The following SPAG1 variants were observed in gnomAD, a reference collection of about 807,000 sequenced individuals.
SPAG1 encodes the protein sperm associated antigen 1.
SPAG1 carries 69 observed loss-of-function variants against 100.5 expected under a neutral mutation model. The ratio of observed to expected loss-of-function variants is 0.69; its 90% CI spans 0.57 to 0.84. SPAG1 has a LOEUF of 0.84. Ranked by LOEUF, SPAG1 falls within the 40% of genes least tolerant of loss-of-function variation. The pLI is 0.00. For missense variants in SPAG1, 955 were observed against 1,133.1 expected (o/e 0.84, Z 2.26); for synonymous variants, 336 against 411.6 (o/e 0.82, Z 2.22).
At chr8:100,220,539 T>C in intron 13 of SPAG1, 108 bp downstream of exon 13, 1 of 892,328 alleles carries the variant, frequency 1.1e-6, no homozygotes, top group Middle Eastern at 2.5e-4. Flanking sequence ...GTTACTTTTA[T>C]CACCTGAATG....
intron 10 of SPAG1, among the ~76,000 whole-genome samples, chr8:100,202,342 TA>T (rs113103783): frequency 1.4e-4 from 20 of 145,792 alleles, no homozygotes; most frequent in Admixed American, 1.4e-4. Flanking sequence ...ACCATTTGTT[TA>T]AAAAAAAAAA....
intron 12 of SPAG1, among the ~76,000 whole-genome samples, chr8:100,215,331 A>G (rs1342112519): frequency 6.6e-6 from 1 of 152,038 alleles, no homozygotes; most frequent in African/African-American, 2.4e-5. Flanking sequence ...TGAAGTAATA[A>G]GAAGCCCTTT....
rs1307063120 is a variant in SPAG1 at position 100,191,396 on chromosome 8, T to C, written c.839T>C (p.Leu280Pro). ...ELEPGNVKAL[L>P]RRATTYKHQN... ...TATATTGGTAAATTTTCAGCTCTTC[T>C]GCGTCGTGCTACTACATATAAACAT... is the stretch of plus-strand genomic sequence containing the variant. Residue 280 changes from leucine to proline, a missense_variant, in exon 9 of 19, where the codon CTG (leucine) becomes CCG (proline). By Grantham distance (98) the Leu-to-Pro change is moderately conservative. Transcript: ENST00000388798. The C allele has an allele frequency of 1.2e-6, 2 of 1,610,770 alleles. No homozygotes were observed. The highest frequency in any genetic ancestry group is 2.7e-5 in the African/African-American group (2 of 74,828).
intron 8 of SPAG1, 21 bp downstream of exon 8, chr8:100,187,271 C>A (rs753048783): frequency 5.3e-5 from 83 of 1,580,222 alleles, no homozygotes; most frequent in Non-Finnish European, 6.8e-5. Flanking sequence ...TTATAGAATT[C>A]TTTTACATTT....
At chr8:100,213,014 C>G in intron 10 of SPAG1, 76 bp from the exon 11 acceptor site, 1 of 1,098,750 alleles carries the variant, frequency 9.1e-7, no homozygotes, top group South Asian at 2.0e-5. Flanking sequence ...TCCTGCACCC[C>G]CGCGGCCTCC....
chr8:100,204,992 G>A (rs1586476159), intron 10 of SPAG1, among the ~76,000 whole-genome samples: 1 of 152,286 alleles, frequency 6.6e-6, no homozygotes, highest in East Asian at 1.9e-4. Flanking sequence ...TAGAGCTCTG[G>A]CATTGGCTAA....
chr8:100,165,595 G>A, intron 2 of SPAG1: 2 of 471,400 alleles, frequency 4.2e-6, no homozygotes, highest in Non-Finnish European at 7.5e-6. Flanking sequence ...AGTGTGTGAT[G>A]AAAATTGGTT....
intron 14 of SPAG1, 34 bp from the exon 15 acceptor site, chr8:100,231,122 G>C: frequency 6.3e-7 from 1 of 1,579,334 alleles, no homozygotes; most frequent in Non-Finnish European, 8.6e-7. Context: ...TGCTTGTACA[G>C]ATACTTCCTC....
chr8:100,187,409 G>A (rs1206574867), intron 8 of SPAG1, among the ~76,000 whole-genome samples, 159 bp downstream of exon 8: 1 of 152,080 alleles, frequency 6.6e-6, no homozygotes, highest in Non-Finnish European at 1.5e-5. Context: ...AATTGAACTT[G>A]TAAGTTAAGC....
rs1389658424 is a variant in SPAG1, at chr8:100,171,899, C to CT, written c.301-5906dup. Among the ~76,000 whole-genome samples the CT allele has an allele frequency of 4.8e-3, 717 of 147,990 alleles. 5 individuals carry two copies. Among genetic ancestry groups the CT allele is most frequent in the African/African-American group, 0.015 (606 of 40,558 alleles). On this transcript the variant is annotated intron_variant, in intron 3 of 18. Transcript: ENST00000388798. ...AGAAGAAATCCCTTTATTGATTTTT[C>CT]TTTTTTTTTTTCTGAGACGGAGTCT...
chr8:100,219,390 T>G (rs978429387), intron 12 of SPAG1, among the ~76,000 whole-genome samples: 1 of 152,190 alleles, frequency 6.6e-6, no homozygotes, highest in Non-Finnish European at 1.5e-5. Flanking sequence ...GAAAGGAGGC[T>G]CTTCATAGGA....
chr8:100,220,375 T>C lies in SPAG1; in HGVS notation c.1632T>C (p.Tyr544=), dbSNP rs778546145. The C allele has an allele frequency of 2.5e-6, 4 of 1,613,976 alleles. No individual in the cohort carries two copies. The highest frequency in any genetic ancestry group is 8.5e-7 in the Non-Finnish European group (1 of 1,179,962). The stretch of plus-strand genomic sequence containing the variant: ...AGTATGGGAAAGCTTATGTGGATTA[T>C]AAAACAGTGTTGCAGATAGACTGTG... ...LEQYGKAYVD[Y]KTVLQIDCGL... is the part of the protein sequence containing the mutation. Residue 544 remains tyrosine (Y), a synonymous_variant, in exon 13 of 19, where the codon TAT becomes TAC. Coordinates refer to ENST00000388798, the MANE Select transcript of SPAG1 (RefSeq NM_003114.5).
Position 100,165,824 on chromosome 8 carries a change from G to T in SPAG1, c.151G>T (p.Glu51Ter). The change falls in exon 3 of 19, where the codon GAA becomes TAA. Residue 51 changes from glutamate (E) to a stop codon, truncating the protein, a stop_gained. Transcript: ENST00000388798. LOFTEE classifies it high-confidence loss of function. ...TTATTTCTTTTTAAGATCTGGTGAG[G>T]AAGGATATTATCCTGAACTTACAGA... ...KILCVLRSGEEGYYPELTEFC... is the reference protein window; with the variant it reads ...KILCVLRSGE The T allele has an allele frequency of 6.2e-7, 1 of 1,611,678 alleles. No individual in the cohort carries two copies. Among genetic ancestry groups the T allele is most frequent in the Non-Finnish European group, 8.5e-7 (1 of 1,179,076 alleles).
At chr8:100,210,779 C>T (rs1817685477) in intron 10 of SPAG1, among the ~76,000 whole-genome samples, 1 of 151,722 alleles carries the variant, frequency 6.6e-6, no homozygotes, top group Admixed American at 6.6e-5. Flanking sequence ...CCTCAGCCTG[C>T]CAGAGTGCTA....
intron 10 of SPAG1, chr8:100,194,704 A>G: frequency 3.4e-6 from 1 of 292,104 alleles, no homozygotes; most frequent in Non-Finnish European, 6.2e-6. Context: ...GTGTTTTTCA[A>G]AAATATTTTA....
intron 12 of SPAG1, among the ~76,000 whole-genome samples, chr8:100,215,009 A>G (rs1817906666): frequency 2.3e-5 from 1 of 42,566 alleles, no homozygotes; most frequent in Non-Finnish European, 4.9e-5. Flanking sequence ...ATATATATAT[A>G]TATATATATA....
intron 15 of SPAG1, among the ~76,000 whole-genome samples, chr8:100,231,712 C>A (rs1818774853): frequency 6.6e-6 from 1 of 152,196 alleles, no homozygotes; most frequent in Non-Finnish European, 1.5e-5. Flanking sequence ...ATAATCCCAG[C>A]ACTTTGGGAG....
In SPAG1 at chr8:100,236,522, A is replaced by G. The variant is rs534698894; in HGVS notation, c.2116-2718A>G. Among the ~76,000 whole-genome samples, 8 of 152,248 alleles carry G rather than the reference A, an allele frequency of 5.3e-5. No individual in the cohort carries two copies. In the East Asian group the frequency reaches 1.5e-3, roughly 29 times the overall value. ...CGCCCAGGCCTGTTTGCCCAGGGTGACTGCAATGAGGAAGTGGCACAGGGG... is the reference window on the plus strand; with the variant it reads ...CGCCCAGGCCTGTTTGCCCAGGGTGGCTGCAATGAGGAAGTGGCACAGGGG... On this transcript the variant is annotated intron_variant, in intron 16 of 18. Transcript: ENST00000388798.
At chr8:100,214,976 G>C in intron 12 of SPAG1, among the ~76,000 whole-genome samples, 1 of 103,718 alleles carries the variant, frequency 9.6e-6, no homozygotes, top group African/African-American at 3.5e-5. Context: ...AAGAGACTCT[G>C]TAAACTTTAC....
Sources: allele counts gnomAD v4.1 joint callset (sites outside exome capture counted in the v4.1 genomes callset), GRCh38; gene constraint gnomAD v4.1.1; transcripts MANE v1.5; gene names NCBI Gene and HGNC (gene_info 2026-07-23, HGNC 2026-07-21).